CSNK1G3: variants seen among roughly 807,000 people sequenced by gnomAD.
CSNK1G3 encodes the protein casein kinase I isoform gamma-3.
In CSNK1G3, 23 loss-of-function variants were observed where a neutral mutation model predicts 64.3. That is an observed-to-expected ratio of 0.36 (90% confidence interval 0.26 to 0.51). The LOEUF (loss-of-function observed/expected upper bound fraction) is 0.51. Ranked by LOEUF, CSNK1G3 falls within the 20% of genes least tolerant of loss-of-function variation. CSNK1G3 has a pLI of 0.96. For missense variants in CSNK1G3, 357 were observed against 510.5 expected, an observed-to-expected ratio of 0.70 and a Z score of 2.90; for synonymous variants, 158 against 162.2, an observed-to-expected ratio of 0.97 and a Z score of 0.20.
At chr5:123,548,166 G>T (rs1782914282) in intron 2 of CSNK1G3, among the ~76,000 whole-genome samples, 1 of 152,068 alleles carries the variant, frequency 6.6e-6, no homozygotes. Context: ...TTTAAAACTT[G>T]AGACTTGTGG....
intron 1 of CSNK1G3, among the ~76,000 whole-genome samples, chr5:123,512,819 G>T (rs1244769951): frequency 1.3e-5 from 2 of 151,414 alleles, no homozygotes; most frequent in South Asian, 2.1e-4. Context: ...AGGGGGCAGC[G>T]GGGGCCGCGG....
intron 4 of CSNK1G3, among the ~76,000 whole-genome samples, chr5:123,559,974 A>G (rs1056985783): frequency 1.3e-5 from 2 of 152,142 alleles, no homozygotes; most frequent in African/African-American, 2.4e-5. Context: ...CTCTTTAAAA[A>G]TAGATATATT....
chr5:123,532,241 A>G (rs1002237690), intron 1 of CSNK1G3, among the ~76,000 whole-genome samples: 6 of 151,878 alleles, frequency 4.0e-5, no homozygotes, highest in African/African-American at 1.2e-4. Context: ...TTGAATGGGT[A>G]CTGAAACTCA....
intron 5 of CSNK1G3, among the ~76,000 whole-genome samples, chr5:123,575,442 G>A (rs1429450264): frequency 6.6e-6 from 1 of 152,166 alleles, no homozygotes; most frequent in African/African-American, 2.4e-5. Context: ...ATTTTATGAA[G>A]TAGCATCCTC....
At chr5:123,535,225 A>T (rs962156391) in intron 1 of CSNK1G3, among the ~76,000 whole-genome samples, 7 of 152,178 alleles carry the variant, frequency 4.6e-5, no homozygotes, top group African/African-American at 1.7e-4. Flanking sequence ...ATCCATAACA[A>T]CATGTAAACA....
At chr5:123,552,663 C>T (rs1783919353) in intron 2 of CSNK1G3, among the ~76,000 whole-genome samples, 2 of 152,032 alleles carry the variant, frequency 1.3e-5, no homozygotes. Flanking sequence ...AATATACTTA[C>T]TGGATTAAAT....
At chr5:123,599,599 C>T (rs1794084039) in intron 10 of CSNK1G3, among the ~76,000 whole-genome samples, 1 of 152,144 alleles carries the variant, frequency 6.6e-6, no homozygotes. Flanking sequence ...ATCGTGAATA[C>T]TGACCTTTCT....
chr5:123,525,858 C>T (rs992766840), intron 1 of CSNK1G3, among the ~76,000 whole-genome samples: 18 of 151,558 alleles, frequency 1.2e-4, no homozygotes, highest in African/African-American at 4.8e-5. Flanking sequence ...ATTAGTCGGG[C>T]GTGGTGGCGG....
chr5:123,598,807 G>A (rs1412508946), intron 10 of CSNK1G3, among the ~76,000 whole-genome samples: 11 of 152,190 alleles, frequency 7.2e-5, no homozygotes, highest in Non-Finnish European at 1.3e-4. Context: ...TAAAGATTGC[G>A]TTTGCTGGAC....
intron 1 of CSNK1G3, among the ~76,000 whole-genome samples, chr5:123,518,907 A>G (rs1292482871): frequency 6.6e-6 from 1 of 152,044 alleles, no homozygotes; most frequent in Non-Finnish European, 1.5e-5. Flanking sequence ...TTACAGGTGC[A>G]TGCCACTGCA....
At chr5:123,540,865 G>T (rs768219436) in intron 1 of CSNK1G3, among the ~76,000 whole-genome samples, 16 of 152,122 alleles carry the variant, frequency 1.1e-4, no homozygotes, top group Non-Finnish European at 2.4e-4. Flanking sequence ...GACCTCAAGT[G>T]ATATATACCC....
At position 123,571,711 on chromosome 5, in the gene CSNK1G3, G is replaced by A. The variant is rs576652838; in HGVS notation, c.290-1682G>A. Among the ~76,000 whole-genome samples, 165 of 151,962 alleles carry A rather than the reference G, an allele frequency of 1.1e-3. 1 individual carries two copies. Among genetic ancestry groups the A allele is most frequent in the African/African-American group, 3.7e-3 (153 of 41,462 alleles). ...AATAATAATGTTATATTTAAAAAAC[G>A]TTTTATTAAAAAGAATGAGAAGTTT... is the stretch of plus-strand genomic sequence containing the variant. On this transcript the variant is annotated intron_variant, in intron 4 of 12. Transcript: ENST00000345990.
intron 1 of CSNK1G3, among the ~76,000 whole-genome samples, chr5:123,514,646 G>T (rs1776821722): frequency 6.6e-6 from 1 of 151,900 alleles, no homozygotes; most frequent in African/African-American, 2.4e-5. Flanking sequence ...ATTTTGAATG[G>T]ATGTAGAGCT....
intron 10 of CSNK1G3, among the ~76,000 whole-genome samples, chr5:123,597,180 C>G (rs920469533): frequency 6.6e-6 from 1 of 151,978 alleles, no homozygotes; most frequent in Non-Finnish European, 1.5e-5. Flanking sequence ...TTCAGTAATA[C>G]AAAAATATGA....
chr5:123,543,206 A>G (rs1410014504), intron 1 of CSNK1G3, among the ~76,000 whole-genome samples: 1 of 152,076 alleles, frequency 6.6e-6, no homozygotes, highest in African/African-American at 2.4e-5. Flanking sequence ...ATGTGCTCAG[A>G]GCTACTCTGA....
At chr5:123,581,901 C>T (rs1276804312) in intron 6 of CSNK1G3, among the ~76,000 whole-genome samples, 1 of 151,590 alleles carries the variant, frequency 6.6e-6, no homozygotes, top group Non-Finnish European at 1.5e-5. Flanking sequence ...ATGATTTAAA[C>T]TTTATTCAGG....
chr5:123,512,608 C>G (rs977989907), intron 1 of CSNK1G3, 38 bp downstream of exon 1: 2 of 150,158 alleles, frequency 1.3e-5, no homozygotes, highest in Non-Finnish European at 3.0e-5. Context: ...GCTGCCAGCC[C>G]CGGCCCGGCG....
At chr5:123,538,955 T>G (rs1781255602) in intron 1 of CSNK1G3, among the ~76,000 whole-genome samples, 1 of 152,160 alleles carries the variant, frequency 6.6e-6, no homozygotes, top group Non-Finnish European at 1.5e-5. Flanking sequence ...TACCCCTCTT[T>G]ATGGTTCTGG....
exon 6 of CSNK1G3, chr5:123,575,838 T>G: frequency 6.2e-7 from 1 of 1,613,604 alleles, no homozygotes; most frequent in Non-Finnish European, 8.5e-7. Context: ...GTTATTCACA[T>G]TATAGATTTT....
Sources: gnomAD v4.1 joint callset for allele counts (sites outside exome capture counted in the v4.1 genomes callset) on GRCh38, gnomAD v4.1.1 for gene constraint, MANE v1.5 for transcripts, NCBI Gene and HGNC (gene_info 2026-07-23, HGNC 2026-07-21) for gene names.